TBX19: variants seen among roughly 807,000 people sequenced by gnomAD.
TBX19 encodes T-box transcription factor 19.
TBX19 carries 33 observed loss-of-function variants against 40.9 expected under a neutral mutation model. The observed-to-expected ratio is 0.81, with a 90% CI of 0.61 to 1.08. The LOEUF is 1.08. TBX19 is among the 50% of genes least tolerant of loss of function. TBX19 has a pLI of 0.00. For missense variants in TBX19, 494 were observed against 574.0 expected (o/e 0.86, Z 1.42); for synonymous variants, 220 against 225.0 (o/e 0.98, Z 0.20).
chr1:168,286,715 A>G (rs1648813983), intron 1 of TBX19, among the ~76,000 whole-genome samples: 2 of 152,334 alleles, frequency 1.3e-5, no homozygotes, highest in Non-Finnish European at 1.5e-5. Flanking sequence ...GCATGGAGCT[A>G]TGTTTTCATT....
intron 5 of TBX19, among the ~76,000 whole-genome samples, chr1:168,304,264 G>C (rs570935749): frequency 9.2e-5 from 14 of 152,314 alleles, no homozygotes; most frequent in Admixed American, 3.3e-4. Flanking sequence ...GGCAATTTCA[G>C]GGAAGAAGTG....
At position 168,304,868 on chromosome 1, in the gene TBX19, CCACACAGGCTGGCACCAT is replaced by C. The variant is rs1208429743; in HGVS notation, c.728-125_728-108del. 1.1e-5 allele frequency: 10 copies of C among 875,060 alleles called. No homozygotes were observed. In the Admixed American group the frequency reaches 1.6e-4, roughly 14 times the overall value. 54.2% of individuals were successfully genotyped at this position (875,060 alleles called of 1,614,324 possible). On this transcript the variant is annotated intron_variant, in intron 5 of 7. Coordinates refer to ENST00000367821, the MANE Select transcript of TBX19 (RefSeq NM_005149.3). ...CAGTGGCAGCTAGGGGATGGTACCA[CCACACAGGCTGGCACCAT>C]CACACAGGCTGGCATCAGTGTCATT...
Position 168,288,558 on chromosome 1 carries a change from C to T in TBX19, c.204-2602C>T, listed in dbSNP as rs578249720. Reference sequence around the variant, plus strand: ...AAAAATAAAACAAACAAAAGTGTCTCGCCTTAAGTCATTTCTTAAATCATA... The same window carrying T: ...AAAAATAAAACAAACAAAAGTGTCTTGCCTTAAGTCATTTCTTAAATCATA... On this transcript the variant is annotated intron_variant, in intron 1 of 7. Coordinates refer to ENST00000367821, the MANE Select transcript of TBX19 (RefSeq NM_005149.3). Among the ~76,000 whole-genome samples, 15 of 152,226 alleles carry T rather than the reference C, an allele frequency of 9.9e-5. No homozygotes were observed. In the East Asian group the frequency reaches 1.2e-3, roughly 12 times the overall value.
intron 7 of TBX19, among the ~76,000 whole-genome samples, chr1:168,310,023 G>A (rs1029818528): frequency 2.6e-5 from 4 of 152,060 alleles, no homozygotes; most frequent in South Asian, 2.1e-4. Flanking sequence ...GAGGCTTGGC[G>A]GGGTGCGGTG....
At chr1:168,299,338 G>A (rs1199936389) in intron 4 of TBX19, among the ~76,000 whole-genome samples, 2 of 152,106 alleles carry the variant, frequency 1.3e-5, no homozygotes, top group African/African-American at 2.4e-5. Context: ...TATTGCTTGA[G>A]TTTCAAATCT....
chr1:168,312,707 G>A lies in TBX19; in HGVS notation c.1053-1G>A. On this transcript the variant is annotated splice_acceptor_variant, in intron 7 of 7. Coordinates refer to ENST00000367821, the MANE Select transcript of TBX19 (RefSeq NM_005149.3). LOFTEE classifies it high-confidence loss of function. ...CTTCCCCTCTTTCTCTGTCTCTGCA[G>A]CCCCTACCCGTGCCTGTGGACCATC... is the stretch of plus-strand genomic sequence containing the variant. 3 of 1,611,586 alleles carry A rather than the reference G, an allele frequency of 1.9e-6. No homozygotes were observed. The highest frequency in any genetic ancestry group is 2.5e-6 in the Non-Finnish European group (3 of 1,180,012).
rs935972728 is a variant in TBX19, at chr1:168,313,962, A to G, written c.*960A>G. On this transcript the variant is annotated 3_prime_UTR_variant, in exon 8 of 8. Coordinates refer to ENST00000367821, the MANE Select transcript of TBX19 (RefSeq NM_005149.3). Reference sequence around the variant, plus strand: ...AAAGAAAGAAATCCTACTACGAGCGATCACACCATCTGGCCTGAAACCACT... The same window carrying G: ...AAAGAAAGAAATCCTACTACGAGCGGTCACACCATCTGGCCTGAAACCACT... The G allele has an allele frequency of 1.3e-5, 2 of 152,254 alleles. No homozygotes were observed. Among genetic ancestry groups the G allele is most frequent in the Admixed American group, 1.3e-4 (2 of 15,280 alleles). 9.4% of individuals were successfully genotyped at this position (152,254 alleles called of 1,614,324 possible).
intron 4 of TBX19, among the ~76,000 whole-genome samples, chr1:168,299,645 G>GT (rs941252658): frequency 3.3e-5 from 5 of 151,876 alleles, no homozygotes; most frequent in South Asian, 2.1e-4. Flanking sequence ...CTGGCTATGT[G>GT]TTTTTTTTAA....
At chr1:168,308,003 A>G (rs1649442259) in intron 6 of TBX19, 1 of 152,244 alleles carries the variant, frequency 6.6e-6, no homozygotes, top group South Asian at 2.1e-4. Context: ...TCCTTTGACC[A>G]ATATCTCATT....
At chr1:168,282,036 C>T (rs903758806) in intron 1 of TBX19, among the ~76,000 whole-genome samples, 2 of 152,180 alleles carry the variant, frequency 1.3e-5, no homozygotes, top group Admixed American at 6.5e-5. Flanking sequence ...GATTTCACTT[C>T]GTAGAGGAGA....
At chr1:168,291,517 T>G in intron 2 of TBX19, 93 bp downstream of exon 2, 1 of 1,561,190 alleles carries the variant, frequency 6.4e-7, no homozygotes, top group Non-Finnish European at 8.8e-7. Context: ...CAATTAGAGG[T>G]GTCCTCACCA....
At chr1:168,292,733 G>T (rs1035726637) in intron 2 of TBX19, among the ~76,000 whole-genome samples, 2 of 151,828 alleles carry the variant, frequency 1.3e-5, no homozygotes, top group Admixed American at 6.6e-5. Flanking sequence ...GCGTGGTGGC[G>T]GGCGCCTGTA....
chr1:168,309,802 C>T (rs1649482237), intron 7 of TBX19, among the ~76,000 whole-genome samples: 1 of 152,134 alleles, frequency 6.6e-6, no homozygotes, highest in African/African-American at 2.4e-5. Flanking sequence ...GGGCAATTTT[C>T]TTAGCCTTAC....
At chr1:168,284,751 A>G (rs992800245) in intron 1 of TBX19, among the ~76,000 whole-genome samples, 7 of 143,818 alleles carry the variant, frequency 4.9e-5, no homozygotes, top group Non-Finnish European at 1.1e-4. Context: ...CCTGGGCAAC[A>G]GAGTGAGACC....
In TBX19 at chr1:168,298,846, T is replaced by C. The variant is rs1220713543; in HGVS notation, c.665+1061T>C. On this transcript the variant is annotated intron_variant, in intron 4 of 7. Transcript: ENST00000367821. ...TCCTTTCTTTCTTTCTTTCTTTCTTTCTTTCTTTCTTTCTTTCTTTCTTTC... is the reference window on the plus strand; with the variant it reads ...TCCTTTCTTTCTTTCTTTCTTTCTTCCTTTCTTTCTTTCTTTCTTTCTTTC... Among the ~76,000 whole-genome samples, 64 of 79,082 alleles carry C rather than the reference T, an allele frequency of 8.1e-4. 2 individuals carry two copies. Among genetic ancestry groups the C allele is most frequent in the East Asian group, 2.7e-3 (5 of 1,866 alleles). 51.9% of individuals were successfully genotyped at this position (79,082 alleles called of 152,430 possible).
At chr1:168,299,046 T>C (rs1380974110) in intron 4 of TBX19, among the ~76,000 whole-genome samples, 2 of 150,840 alleles carry the variant, frequency 1.3e-5, no homozygotes, top group Non-Finnish European at 2.9e-5. Context: ...CCCTAGTAGC[T>C]GGGATTACAG....
intron 6 of TBX19, 80 bp downstream of exon 6, chr1:168,305,276 A>G (rs150052032): frequency 2.2e-6 from 3 of 1,379,834 alleles, no homozygotes; most frequent in African/African-American, 1.4e-5. Flanking sequence ...ACAGCTAGGA[A>G]AAGGAGTAGC....
intron 4 of TBX19, among the ~76,000 whole-genome samples, chr1:168,299,044 G>T (rs1649202651): frequency 6.7e-6 from 1 of 149,858 alleles, no homozygotes. Context: ...CTCCCTAGTA[G>T]CTGGGATTAC....
At position 168,313,450 on chromosome 1, in the gene TBX19, G is replaced by A. The variant is rs1019111948; in HGVS notation, c.*448G>A. The A allele has an allele frequency of 1.1e-4, 26 of 245,276 alleles. No individual in the cohort carries two copies. The Admixed American group carries it at 1.1e-3, about 10-fold the overall frequency. The allele number at this position is 245,276 out of a possible 1,614,324, so 15.2% of individuals were successfully genotyped here. On this transcript the variant is annotated 3_prime_UTR_variant, in exon 8 of 8. Transcript: ENST00000367821. ...CCACAGGGCTCAGGTTCACACTTCT[G>A]CTTTGAGACCAGGATGGGGTGTAAG...
Sources: gnomAD v4.1 joint callset for allele counts (sites outside exome capture counted in the v4.1 genomes callset) on GRCh38, gnomAD v4.1.1 for gene constraint, MANE v1.5 for transcripts, NCBI Gene and HGNC (gene_info 2026-07-23, HGNC 2026-07-21) for gene names.